Variants in GPR158 observed in about 807,000 individuals in gnomAD.
The protein encoded by GPR158 is metabotropic glycine receptor.
Under a neutral mutation model 78.2 loss-of-function variants are expected in GPR158, and 30 were observed. The observed-to-expected ratio is 0.38, with a 90% CI of 0.29 to 0.52. GPR158 has a LOEUF of 0.52. Ranked by LOEUF, GPR158 falls within the 20% of genes least tolerant of loss-of-function variation. The pLI, the probability that GPR158 is intolerant of heterozygous loss-of-function variation, is 0.83. For missense variants in GPR158, 1,463 were observed against 1,523.5 expected (o/e 0.96, Z 0.66); for synonymous variants, 581 against 591.1 (o/e 0.98, Z 0.25).
chr10:25,386,096 A>C (rs1754258), intron 2 of GPR158, among the ~76,000 whole-genome samples: 98,067 of 152,004 alleles, frequency 0.65, 32,600 homozygotes, highest in Non-Finnish European at 0.73. Context: ...TTTAGGTGTT[A>C]TGTTTAAGTC....
At chr10:25,291,529 AAC>A (rs1478394439) in intron 2 of GPR158, among the ~76,000 whole-genome samples, 2 of 152,072 alleles carry the variant, frequency 1.3e-5, no homozygotes, top group Non-Finnish European at 2.9e-5. Context: ...TGCTTCTTGT[AAC>A]ACATATTTTA....
At chr10:25,365,698 C>G (rs193086435) in intron 2 of GPR158, among the ~76,000 whole-genome samples, 2 of 151,604 alleles carry the variant, frequency 1.3e-5, no homozygotes, top group African/African-American at 4.8e-5. Flanking sequence ...GAGAAAGGAA[C>G]TAAAAGATCC....
At chr10:25,431,479 T>C (rs1834904607) in intron 4 of GPR158, among the ~76,000 whole-genome samples, 2 of 140,410 alleles carry the variant, frequency 1.4e-5, no homozygotes, top group Non-Finnish European at 3.1e-5. Context: ...GAGCTAGAAA[T>C]ACCATTTGAC....
chr10:25,370,160 T>A (rs1293662943), intron 2 of GPR158, among the ~76,000 whole-genome samples: 1 of 145,254 alleles, frequency 6.9e-6, no homozygotes, highest in Non-Finnish European at 1.5e-5. Flanking sequence ...TTTGTGTCTC[T>A]ATTTCCTTCA....
chr10:25,517,686 G>A (rs1441093685), intron 5 of GPR158, among the ~76,000 whole-genome samples: 3,624 of 151,054 alleles, frequency 0.024, 156 homozygotes, highest in African/African-American at 0.082. Context: ...ATTGATTTGC[G>A]TATATTGAAC....
chr10:25,253,175 C>G (rs908116567), intron 2 of GPR158, among the ~76,000 whole-genome samples: 1 of 151,952 alleles, frequency 6.6e-6, no homozygotes, highest in Non-Finnish European at 1.5e-5. Flanking sequence ...CTTCGGCTCG[C>G]GCACCGTGCG....
At chr10:25,357,182 A>C (rs934015459) in intron 2 of GPR158, among the ~76,000 whole-genome samples, 1 of 152,254 alleles carries the variant, frequency 6.6e-6, no homozygotes, top group South Asian at 2.1e-4. Context: ...GCAGCCAGGC[A>C]TTCAACAGGT....
At chr10:25,536,404 C>T (rs1453343476) in intron 5 of GPR158, among the ~76,000 whole-genome samples, 1 of 152,018 alleles carries the variant, frequency 6.6e-6, no homozygotes, top group East Asian at 1.9e-4. Context: ...ATTATTTGGC[C>T]AGTAATGAAA....
At chr10:25,300,281 T>A (rs574504622) in intron 2 of GPR158, among the ~76,000 whole-genome samples, 2 of 152,344 alleles carry the variant, frequency 1.3e-5, no homozygotes, top group Non-Finnish European at 2.9e-5. Context: ...CCATGGCTTC[T>A]GGCTCCCTTC....
intron 2 of GPR158, among the ~76,000 whole-genome samples, chr10:25,363,652 A>T (rs1293598915): frequency 1.3e-5 from 2 of 151,954 alleles, no homozygotes; most frequent in Non-Finnish European, 2.9e-5. Context: ...CCCTGGGGAC[A>T]TGATCTGACT....
chr10:25,259,785 A>C (rs1184436114), intron 2 of GPR158, among the ~76,000 whole-genome samples: 1 of 152,130 alleles, frequency 6.6e-6, no homozygotes, highest in Non-Finnish European at 1.5e-5. Flanking sequence ...AATATTCTTT[A>C]ATGCCTTGCA....
intron 5 of GPR158, among the ~76,000 whole-genome samples, chr10:25,492,788 A>T (rs1835826926): frequency 6.6e-6 from 1 of 151,830 alleles, no homozygotes; most frequent in African/African-American, 2.4e-5. Flanking sequence ...GTGATAAACA[A>T]TTCAAGCTAT....
intron 5 of GPR158, among the ~76,000 whole-genome samples, chr10:25,533,220 T>A (rs1836448892): frequency 6.6e-6 from 1 of 152,228 alleles, no homozygotes; most frequent in African/African-American, 2.4e-5. Context: ...CCAGCCTTAA[T>A]CTGAGCTTTA....
intron 6 of GPR158, among the ~76,000 whole-genome samples, chr10:25,560,383 A>C (rs1236806873): frequency 6.6e-6 from 1 of 152,056 alleles, no homozygotes; most frequent in African/African-American, 2.4e-5. Flanking sequence ...CTCCTGCCTC[A>C]GCCTCCTGAG....
intron 5 of GPR158, among the ~76,000 whole-genome samples, chr10:25,497,446 G>C (rs960034054): frequency 6.6e-6 from 1 of 152,198 alleles, no homozygotes; most frequent in African/African-American, 2.4e-5. Context: ...GAACAACTTA[G>C]AAGTTGAATT....
chr10:25,459,996 C>T (rs1411616659), intron 4 of GPR158, among the ~76,000 whole-genome samples: 1 of 151,944 alleles, frequency 6.6e-6, no homozygotes, highest in Non-Finnish European at 1.5e-5. Flanking sequence ...TTATGGGTTC[C>T]AAACCAGAGA....
At chr10:25,471,718 G>A (rs1331243018) in intron 5 of GPR158, among the ~76,000 whole-genome samples, 3 of 152,098 alleles carry the variant, frequency 2.0e-5, no homozygotes, top group African/African-American at 4.8e-5. Context: ...GCCAGTGATG[G>A]TGAGCATTTT....
At chr10:25,512,216 T>G (rs1271615340) in intron 5 of GPR158, among the ~76,000 whole-genome samples, 1 of 152,122 alleles carries the variant, frequency 6.6e-6, no homozygotes, top group Non-Finnish European at 1.5e-5. Flanking sequence ...TTTTCATCAG[T>G]GTTTTGTGGT....
chr10:25,428,574 G>A (rs1056337992), intron 4 of GPR158, among the ~76,000 whole-genome samples: 7 of 151,938 alleles, frequency 4.6e-5, no homozygotes, highest in Non-Finnish European at 8.8e-5. Context: ...GGGGAATATG[G>A]AATCCACAAA....
Sources: allele counts gnomAD v4.1 joint callset (sites outside exome capture counted in the v4.1 genomes callset), GRCh38; gene constraint gnomAD v4.1.1; transcripts MANE v1.5; gene names NCBI Gene and HGNC (gene_info 2026-07-23, HGNC 2026-07-21).